FYB2: variants seen among roughly 807,000 people sequenced by gnomAD.
FYB2 encodes the protein FYN binding protein 2, also known as FYN-binding protein 2.
In FYB2, 103 loss-of-function variants were observed where a neutral mutation model predicts 94.1. That is an observed-to-expected ratio of 1.09 (90% CI 0.93 to 1.29). FYB2 has a LOEUF of 1.29. FYB2 is among the 50% of genes most tolerant of loss of function. The pLI is 0.00. For missense variants in FYB2, 896 were observed against 841.5 expected, an observed-to-expected ratio of 1.06 and a Z score of -0.80; for synonymous variants, 293 against 287.9, an observed-to-expected ratio of 1.02 and a Z score of -0.18.
intron 1 of FYB2, among the ~76,000 whole-genome samples, chr1:56,804,179 A>T (rs554527531): frequency 6.6e-6 from 1 of 152,256 alleles, no homozygotes; most frequent in Non-Finnish European, 1.5e-5. Flanking sequence ...ACAATTATTC[A>T]AGTAGATGCT....
rs775086078 is a variant in FYB2, at chr1:56,726,630, T to G, written c.1794-47A>C. 26 of 1,485,858 alleles carry G rather than the reference T, an allele frequency of 1.7e-5. 1 individual carries two copies. Among genetic ancestry groups the G allele is most frequent in the Non-Finnish European group, 2.2e-5 (24 of 1,075,892 alleles). The allele number at this position is 1,485,858 out of a possible 1,614,324, so 92.0% of individuals were successfully genotyped here. ...GCAAGTAAATTAAGACTGAATTATATATTCATGGAACCATCAACACTTCAT... is the reference window on the plus strand; with the variant it reads ...GCAAGTAAATTAAGACTGAATTATAGATTCATGGAACCATCAACACTTCAT... On this transcript the variant is annotated intron_variant, in intron 15 of 19. Transcript: ENST00000343433.
chr1:56,755,918 T>G lies in FYB2; in HGVS notation c.1108A>C (p.Asn370His), dbSNP rs767614966. The change falls in exon 7 of 20, where the codon AAT (asparagine) becomes CAT (histidine). Residue 370 changes from asparagine (N) to histidine (H), a missense_variant. By Grantham distance (68) the Asn-to-His change is moderately conservative. Transcript: ENST00000343433. ...CACCTAGGTTCTGGATAGGGAAAAT[T>G]CTTCCCAGGCTGAAAGTAAAGTGGA... is the stretch of plus-strand genomic sequence containing the variant. ...GIEELQKPGK[N>H]FPYPEPSAKH... is the part of the protein sequence containing the mutation. The G allele has an allele frequency of 6.2e-7, 1 of 1,609,374 alleles. No individual in the cohort carries two copies. The highest frequency in any genetic ancestry group is 1.1e-5 in the South Asian group (1 of 90,808).
chr1:56,768,260 C>A (rs1233337174), intron 4 of FYB2, among the ~76,000 whole-genome samples: 1 of 152,114 alleles, frequency 6.6e-6, no homozygotes, highest in Non-Finnish European at 1.5e-5. Flanking sequence ...GAAATTGAGA[C>A]CAGATAAAGA....
chr1:56,774,741 A>G (rs1017117898), intron 4 of FYB2, among the ~76,000 whole-genome samples: 1 of 152,078 alleles, frequency 6.6e-6, no homozygotes, highest in African/African-American at 2.4e-5. Flanking sequence ...GTATTACCAA[A>G]GGGGATTAAC....
At chr1:56,730,012 T>G (rs10889013) in intron 15 of FYB2, among the ~76,000 whole-genome samples, 47,538 of 151,650 alleles carry the variant, frequency 0.31, 7,833 homozygotes, top group Admixed American at 0.48. Context: ...CATATCAAAC[T>G]TATAGGACAC....
intron 1 of FYB2, among the ~76,000 whole-genome samples, chr1:56,802,493 A>C (rs760437463): frequency 6.6e-6 from 1 of 152,216 alleles, no homozygotes; most frequent in Admixed American, 6.5e-5. Context: ...GTGAGTTTCC[A>C]TTGTAGAGAA....
intron 17 of FYB2, 160 bp from the exon 18 acceptor site, chr1:56,720,489 TA>T: frequency 3.7e-6 from 2 of 534,492 alleles, no homozygotes; most frequent in Non-Finnish European, 5.9e-6. Context: ...AGTATGCAGT[TA>T]AAGGAAAGTC....
chr1:56,824,014 C>T (rs2101144739), upstream of FYB2: 1 of 152,320 alleles, frequency 6.6e-6, no homozygotes, highest in South Asian at 2.1e-4. Flanking sequence ...GAACCCCCGT[C>T]TCTCTTTGGG....
intron 1 of FYB2, among the ~76,000 whole-genome samples, chr1:56,797,141 A>G (rs1281886008): frequency 1.3e-5 from 2 of 152,198 alleles, no homozygotes; most frequent in Admixed American, 1.3e-4. Flanking sequence ...AGCAAAGAAC[A>G]GAGGAAGGCA....
intron 16 of FYB2, among the ~76,000 whole-genome samples, chr1:56,724,618 C>T (rs754572219): frequency 1.3e-5 from 2 of 152,034 alleles, no homozygotes; most frequent in African/African-American, 4.8e-5. Context: ...ATGTCACTCT[C>T]TTGCTTAAAA....
intron 2 of FYB2, among the ~76,000 whole-genome samples, chr1:56,791,600 T>TGGGAAAACCAAGAGCTTGCC (rs1553165187): frequency 1.3e-5 from 2 of 152,266 alleles, no homozygotes; most frequent in East Asian, 3.9e-4. Flanking sequence ...AAGAGCTTGG[T>TGGGAAAACCAAGAGCTTGCC]GGCAAAACCA....
At chr1:56,750,941 T>C (rs1645182369) in intron 9 of FYB2, 103 bp downstream of exon 9, 1 of 1,362,938 alleles carries the variant, frequency 7.3e-7, no homozygotes, top group Non-Finnish European at 1.0e-6. Context: ...TGGCACAAAA[T>C]AGATGTTCAA....
intron 14 of FYB2, among the ~76,000 whole-genome samples, chr1:56,738,153 A>G (rs1218482947): frequency 6.6e-6 from 1 of 152,070 alleles, no homozygotes; most frequent in African/African-American, 2.4e-5. Context: ...TTTAATGGAA[A>G]AGCAAACAAC....
At chr1:56,748,786 CT>C (rs1165988446) in intron 9 of FYB2, among the ~76,000 whole-genome samples, 2 of 151,852 alleles carry the variant, frequency 1.3e-5, no homozygotes, top group African/African-American at 4.8e-5. Context: ...TGAATTAATG[CT>C]TTTGCTTAAC....
intron 1 of FYB2, 36 bp from the exon 2 acceptor site, chr1:56,792,839 C>A: frequency 6.5e-7 from 1 of 1,540,736 alleles, no homozygotes; most frequent in South Asian, 1.2e-5. Flanking sequence ...CAAACAAAAA[C>A]AAAAACAAAC....
At chr1:56,749,754 A>G (rs541577382) in intron 9 of FYB2, among the ~76,000 whole-genome samples, 59 of 151,878 alleles carry the variant, frequency 3.9e-4, no homozygotes, top group Non-Finnish European at 4.9e-4. Context: ...GAATATTTTG[A>G]GGGGATTATT....
intron 1 of FYB2, among the ~76,000 whole-genome samples, chr1:56,803,386 T>C (rs1019321916): frequency 1.2e-4 from 18 of 152,184 alleles, no homozygotes; most frequent in African/African-American, 3.6e-4. Flanking sequence ...TCATGAACTT[T>C]TCCCTAACCA....
chr1:56,765,570 G>A (rs542697068), intron 5 of FYB2, among the ~76,000 whole-genome samples: 1 of 152,312 alleles, frequency 6.6e-6, no homozygotes, highest in Non-Finnish European at 1.5e-5. Context: ...GAGTAGACTA[G>A]TTATTGTCTA....
upstream of FYB2, among the ~76,000 whole-genome samples, chr1:56,820,107 T>C (rs1001401985): frequency 1.3e-5 from 2 of 151,784 alleles, no homozygotes; most frequent in Non-Finnish European, 2.9e-5. Context: ...AGTGGGTGCC[T>C]GTAATCCCAG....
Sources: allele counts gnomAD v4.1 joint callset (sites outside exome capture counted in the v4.1 genomes callset), GRCh38; gene constraint gnomAD v4.1.1; transcripts MANE v1.5; gene names NCBI Gene and HGNC (gene_info 2026-07-23, HGNC 2026-07-21).